Variants in PRR16 observed in about 807,000 individuals in gnomAD.
PRR16 encodes protein Largen.
Under a neutral mutation model 18.2 loss-of-function variants are expected in PRR16, and 6 were observed. The ratio of observed to expected loss-of-function variants is 0.33; its 90% CI spans 0.18 to 0.65. PRR16 has a LOEUF of 0.65. Among genes scored for constraint, PRR16 ranks in the 30% least tolerant of loss-of-function variants. The pLI is 0.74. For synonymous variants in PRR16, 151 were observed against 147.8 expected (o/e 1.02, Z -0.16); for missense variants, 412 against 376.6 (o/e 1.09, Z -0.78).
At chr5:120,549,359 G>A (rs1752180429) in intron 1 of PRR16, among the ~76,000 whole-genome samples, 1 of 152,044 alleles carries the variant, frequency 6.6e-6, no homozygotes, top group Non-Finnish European at 1.5e-5. Flanking sequence ...ATATCGTTGT[G>A]AGCCACCACA....
chr5:120,618,428 C>G (rs1754582876), intron 1 of PRR16: 1 of 945,930 alleles, frequency 1.1e-6, no homozygotes, highest in Non-Finnish European at 1.3e-6. Flanking sequence ...AGTAATTATA[C>G]TGTTTTTTAA....
At chr5:120,691,197 A>T (rs1757204561), downstream of PRR16, among the ~76,000 whole-genome samples, 4 of 152,276 alleles carry the variant, frequency 2.6e-5, no homozygotes, top group South Asian at 8.3e-4. Context: ...AGCACGACTC[A>T]GCATGCTTTT....
At chr5:120,522,537 A>C (rs751985248) in intron 1 of PRR16, among the ~76,000 whole-genome samples, 2 of 152,058 alleles carry the variant, frequency 1.3e-5, no homozygotes, top group African/African-American at 4.8e-5. Context: ...TTTTTCTTGT[A>C]AATTTGTTAA....
chr5:120,503,746 G>T (rs899784965), intron 1 of PRR16, among the ~76,000 whole-genome samples: 2 of 150,726 alleles, frequency 1.3e-5, no homozygotes, highest in Non-Finnish European at 3.0e-5. Context: ...CCATTAACTC[G>T]TCATTTAGCA....
chr5:120,612,756 T>C (rs1489007726), intron 1 of PRR16, among the ~76,000 whole-genome samples: 2 of 152,214 alleles, frequency 1.3e-5, no homozygotes, highest in African/African-American at 4.8e-5. Context: ...TTGATTCTTT[T>C]TGCAGATATA....
chr5:120,557,740 C>G (rs1243359353), intron 1 of PRR16, among the ~76,000 whole-genome samples: 1 of 151,806 alleles, frequency 6.6e-6, no homozygotes, highest in Admixed American at 6.6e-5. Flanking sequence ...CCATTAAATA[C>G]TTTGAAAAAG....
chr5:120,778,683 C>T, the PRR16 span, among the ~76,000 whole-genome samples: 21 of 152,242 alleles, frequency 1.4e-4, no homozygotes, highest in South Asian at 3.9e-3. Flanking sequence ...TGACTTCTAA[C>T]CCTGCTTGTG....
chr5:120,681,537 AACTTG>A (rs1273088151), intron 1 of PRR16, among the ~76,000 whole-genome samples: 6 of 152,180 alleles, frequency 3.9e-5, no homozygotes, highest in South Asian at 2.1e-4. Context: ...ATCAATGCAT[AACTTG>A]ACTTACTTGT....
At chr5:120,600,777 C>T (rs1212330294) in intron 1 of PRR16, among the ~76,000 whole-genome samples, 1 of 151,860 alleles carries the variant, frequency 6.6e-6, no homozygotes, top group African/African-American at 2.4e-5. Context: ...TCTTTATGTC[C>T]ATGTAAGCCC....
downstream of PRR16, among the ~76,000 whole-genome samples, chr5:120,687,810 A>T (rs1415031227): frequency 6.6e-6 from 1 of 152,144 alleles, no homozygotes. Flanking sequence ...TCTAACATCA[A>T]ATAAAAATCC....
chr5:120,687,463 T>A (rs1471712425), downstream of PRR16: 1 of 150,896 alleles, frequency 6.6e-6, no homozygotes, highest in Non-Finnish European at 1.5e-5. Flanking sequence ...ACATCATAAA[T>A]CAAAATCTAC....
rs1436633952 is a variant in PRR16, at chr5:120,528,231, G to A, written c.159+63586G>A. Among the ~76,000 whole-genome samples, 4 of 152,122 alleles carry A rather than the reference G, an allele frequency of 2.6e-5. No individual in the cohort carries two copies. The East Asian group carries it at 7.7e-4, about 29-fold the overall frequency. On this transcript the variant is annotated intron_variant, in intron 1 of 1. Transcript: ENST00000407149. ...GGAATCTAAATATGTCATCAACCAG[G>A]ACAAAAATACTTAGCTTTTTGAACT... is the stretch of plus-strand genomic sequence containing the variant.
intron 1 of PRR16, among the ~76,000 whole-genome samples, chr5:120,619,725 C>G (rs1006965122): frequency 9.9e-5 from 15 of 151,880 alleles, no homozygotes; most frequent in African/African-American, 3.6e-4. Flanking sequence ...TCATTTTTGT[C>G]AAACCAAAAA....
intron 1 of PRR16, among the ~76,000 whole-genome samples, chr5:120,546,754 C>T (rs561942948): frequency 1.4e-3 from 218 of 152,026 alleles, no homozygotes; most frequent in Non-Finnish European, 2.0e-3. Context: ...AGTCAAGCCC[C>T]CAAACTGGGA....
At chr5:120,671,355 C>T (rs770858014) in intron 1 of PRR16, among the ~76,000 whole-genome samples, 1 of 152,070 alleles carries the variant, frequency 6.6e-6, no homozygotes, top group African/African-American at 2.4e-5. Flanking sequence ...TTTATCATCT[C>T]AAGCTAGTGA....
chr5:120,651,524 T>A (rs1397808847), intron 1 of PRR16, among the ~76,000 whole-genome samples: 3 of 152,218 alleles, frequency 2.0e-5, no homozygotes, highest in African/African-American at 7.2e-5. Flanking sequence ...AAGGAAGGGA[T>A]CCAGTTTCAG....
chr5:120,767,349 G>A, the PRR16 span, among the ~76,000 whole-genome samples: 1 of 151,810 alleles, frequency 6.6e-6, no homozygotes, highest in Admixed American at 6.6e-5. Flanking sequence ...CCAAATCAAA[G>A]GCAAACCTTC....
At chr5:120,548,807 A>G (rs1239104475) in intron 1 of PRR16, among the ~76,000 whole-genome samples, 1 of 152,116 alleles carries the variant, frequency 6.6e-6, no homozygotes, top group Non-Finnish European at 1.5e-5. Context: ...ACAGTGATAT[A>G]CACCACTGCG....
chr5:120,782,127 A>G, the PRR16 span, among the ~76,000 whole-genome samples: 6 of 152,166 alleles, frequency 3.9e-5, no homozygotes, highest in Admixed American at 6.5e-5. Flanking sequence ...CATAATACCA[A>G]TCTAAACTGA....
Sources: gnomAD v4.1 joint callset for allele counts (sites outside exome capture counted in the v4.1 genomes callset) on GRCh38, gnomAD v4.1.1 for gene constraint, MANE v1.5 for transcripts, NCBI Gene and HGNC (gene_info 2026-07-23, HGNC 2026-07-21) for gene names.